The following SEC63 variants were observed in gnomAD, a reference collection of about 807,000 sequenced individuals.
SEC63 encodes the protein SEC63 protein translocation regulator, also known as translocation protein SEC63 homolog.
A neutral mutation model predicts 116.2 loss-of-function variants in SEC63; 56 were observed. The observed-to-expected ratio is 0.48, with a 90% confidence interval of 0.39 to 0.60. The LOEUF (loss-of-function observed/expected upper bound fraction) is 0.60, where lower values mean the gene tolerates loss of function less well. SEC63 is among the 20% of genes least tolerant of loss of function. The pLI, the probability that SEC63 is intolerant of heterozygous loss-of-function variation, is 0.00. For synonymous variants in SEC63, 273 were observed against 294.6 expected (o/e 0.93, Z 0.75); for missense variants, 668 against 900.0 (o/e 0.74, Z 3.30).
intron 4 of SEC63, among the ~76,000 whole-genome samples, chr6:107,916,038 A>T (rs1288190829): frequency 6.6e-6 from 1 of 152,150 alleles, no homozygotes; most frequent in Admixed American, 6.5e-5. Context: ...AATAGTGACC[A>T]CACATCATAG....
Position 107,871,533 on chromosome 6 carries a change from G to A in SEC63, c.*171C>T. 3 of 692,184 alleles carry A rather than the reference G, an allele frequency of 4.3e-6. No individual in the cohort carries two copies. In the Admixed American group the frequency reaches 6.3e-5, roughly 15 times the overall value. 42.9% of individuals were successfully genotyped at this position (692,184 alleles called of 1,614,324 possible). A position where few individuals can be genotyped will look rare whatever the true frequency, so the allele number is the denominator to read the frequency against. The stretch of plus-strand genomic sequence containing the variant: ...TTCAATAAGCCTTAACATTTTTCAG[G>A]TTGTACCAAGGCACCGCCACTGCCT... On this transcript the variant is annotated 3_prime_UTR_variant, in exon 21 of 21. Transcript: ENST00000369002.
At chr6:107,930,244 T>G (rs1787769860) in intron 1 of SEC63, 1 of 127,890 alleles carries the variant, frequency 7.8e-6, no homozygotes, top group South Asian at 2.6e-4. Context: ...CTCAAACTCC[T>G]GGCCTCAAGC....
chr6:107,947,381 C>T (rs1434222477), intron 1 of SEC63, among the ~76,000 whole-genome samples: 1 of 152,084 alleles, frequency 6.6e-6, no homozygotes, highest in Non-Finnish European at 1.5e-5. Context: ...AACCAAACCA[C>T]TCAACAGGAG....
intron 3 of SEC63, among the ~76,000 whole-genome samples, chr6:107,923,004 A>T (rs1423561152): frequency 1.3e-5 from 2 of 152,122 alleles, no homozygotes; most frequent in Non-Finnish European, 2.9e-5. Flanking sequence ...TTAAAAAAAA[A>T]AAAATTAATA....
In SEC63 at chr6:107,918,950, G is replaced by A. The variant is rs1426568234; in HGVS notation, c.452+2847C>T. On this transcript the variant is annotated intron_variant, in intron 4 of 20. Coordinates refer to ENST00000369002, the MANE Select transcript of SEC63 (RefSeq NM_007214.5). ...TTTTGAGACAGAGTCTCACTCTGTC[G>A]CCCAGGCTGGAGTGCAATGGCACAA... 8.9e-5 allele frequency among the ~76,000 whole-genome samples: 10 copies of A among 111,792 alleles called. No individual in the cohort carries two copies. In the South Asian group the frequency reaches 9.5e-4, roughly 11 times the overall value. The allele number at this position is 111,792 out of a possible 152,430, so 73.3% of individuals were successfully genotyped here. A position where few individuals can be genotyped will look rare whatever the true frequency, so the allele number is the denominator to read the frequency against.
intron 4 of SEC63, among the ~76,000 whole-genome samples, chr6:107,916,109 A>C (rs1199442474): frequency 6.9e-6 from 1 of 145,440 alleles, no homozygotes; most frequent in Non-Finnish European, 1.5e-5. Context: ...ATACCTAAAG[A>C]CTGGGGGGAT....
At position 107,871,143 on chromosome 6, in the gene SEC63, T is replaced by C. The variant is rs1786123355; in HGVS notation, c.*561A>G. The stretch of plus-strand genomic sequence containing the variant: ...TTCCAAAACGTAGCCCTCTATATCA[T>C]GTGGAATGTGAGAGAATGCCAACTT... On this transcript the variant is annotated 3_prime_UTR_variant, in exon 21 of 21. Transcript: ENST00000369002. 6.3e-6 allele frequency: 1 copy of C among 159,088 alleles called. No homozygotes were observed. The highest frequency in any genetic ancestry group is 1.8e-4 in the South Asian group (1 of 5,536). 9.9% of individuals were successfully genotyped at this position (159,088 alleles called of 1,614,324 possible).
chr6:107,868,292 C>A lies in SEC63; in HGVS notation c.*3412G>T. On this transcript the variant is annotated 3_prime_UTR_variant, in exon 21 of 21. Coordinates refer to ENST00000369002, the MANE Select transcript of SEC63 (RefSeq NM_007214.5). ...TTTTTGTTTTTTTTCCAAAAAAACC[C>A]AACAGGCTGGGCGCAGTGGCTCATG... is the stretch of plus-strand genomic sequence containing the variant. 1 of 151,620 alleles carries A rather than the reference C, an allele frequency of 6.6e-6. No individual in the cohort carries two copies. 9.4% of individuals were successfully genotyped at this position (151,620 alleles called of 1,614,324 possible).
chr6:107,883,589 G>T, intron 16 of SEC63: 1 of 162,004 alleles, frequency 6.2e-6, no homozygotes, highest in Non-Finnish European at 1.3e-5. Context: ...GAGGCCAGGA[G>T]TTCAAACCAG....
intron 5 of SEC63, 92 bp downstream of exon 5, chr6:107,913,263 GAGTATAAGTTT>G (rs1787327618): frequency 1.2e-6 from 1 of 830,824 alleles, no homozygotes; most frequent in African/African-American, 1.7e-5. Context: ...AACTCCATGT[GAGTATAAGTTT>G]AGTAAGAAAA....
At chr6:107,956,584 T>C (rs1770718029) in intron 1 of SEC63, among the ~76,000 whole-genome samples, 1 of 152,222 alleles carries the variant, frequency 6.6e-6, no homozygotes, top group African/African-American at 2.4e-5. Context: ...TTAAGACTAG[T>C]AACTTTGGAC....
chr6:107,880,979 T>C, intron 18 of SEC63, 170 bp downstream of exon 18: 1 of 571,006 alleles, frequency 1.8e-6, no homozygotes, highest in Non-Finnish European at 3.1e-6. Flanking sequence ...ACACGTTCAC[T>C]AAGTATAATA....
At chr6:107,884,122 T>C (rs1281520228) in intron 16 of SEC63, among the ~76,000 whole-genome samples, 2 of 132,214 alleles carry the variant, frequency 1.5e-5, no homozygotes, top group African/African-American at 5.4e-5. Flanking sequence ...AACAAAAAAA[T>C]AGCTGGGCAT....
At chr6:107,891,934 C>T (rs779457729) in intron 16 of SEC63, among the ~76,000 whole-genome samples, 3 of 152,226 alleles carry the variant, frequency 2.0e-5, no homozygotes, top group Admixed American at 6.5e-5. Flanking sequence ...CTGGAAGCTT[C>T]GTCCCAGAGG....
chr6:107,937,087 A>T (rs2114500418), intron 1 of SEC63, among the ~76,000 whole-genome samples: 1 of 149,740 alleles, frequency 6.7e-6, no homozygotes, highest in South Asian at 2.1e-4. Context: ...ATTCTTTTTA[A>T]TGGCTGTGTA....
chr6:107,881,144 C>A lies in SEC63; in HGVS notation c.1935+5G>T. ...AAGGAACACAGTAGCCTGTATATAACTCACCTCAGGAAAGTAAAGGCTATA... is the reference window on the plus strand; with the variant it reads ...AAGGAACACAGTAGCCTGTATATAAATCACCTCAGGAAAGTAAAGGCTATA... On this transcript the variant is annotated splice_donor_5th_base_variant and intron_variant, in intron 18 of 20. Coordinates refer to ENST00000369002, the MANE Select transcript of SEC63 (RefSeq NM_007214.5). 6.3e-7 allele frequency: 1 copy of A among 1,581,650 alleles called. No individual in the cohort carries two copies.
intron 13 of SEC63, among the ~76,000 whole-genome samples, chr6:107,899,489 G>T (rs148433237): frequency 0.037 from 5,635 of 152,264 alleles, 302 homozygotes; most frequent in African/African-American, 0.13. Flanking sequence ...GCTGAGGTGG[G>T]TGAATCACCT....
At chr6:107,913,322 T>C (rs1787328987) in intron 5 of SEC63, 44 bp downstream of exon 5, 1 of 1,162,782 alleles carries the variant, frequency 8.6e-7, no homozygotes, top group Middle Eastern at 1.9e-4. Flanking sequence ...ATTTTTATAA[T>C]ATATACCATA....
At chr6:107,924,330 G>C (rs1177851144) in intron 3 of SEC63, among the ~76,000 whole-genome samples, 4 of 150,422 alleles carry the variant, frequency 2.7e-5, no homozygotes, top group African/African-American at 9.8e-5. Context: ...TGTAATCCTA[G>C]CACTTTGGGA....
Sources: gnomAD v4.1 joint callset for allele counts (sites outside exome capture counted in the v4.1 genomes callset) on GRCh38, gnomAD v4.1.1 for gene constraint, MANE v1.5 for transcripts, NCBI Gene and HGNC (gene_info 2026-07-23, HGNC 2026-07-21) for gene names.